LAMA2: variants seen among roughly 807,000 people sequenced by gnomAD.
The protein encoded by LAMA2 is laminin subunit alpha 2.
Under a neutral mutation model 364.8 loss-of-function variants are expected in LAMA2, and 269 were observed. The observed-to-expected ratio is 0.74, with a 90% confidence interval of 0.67 to 0.82. The LOEUF (loss-of-function observed/expected upper bound fraction) is 0.82. Among genes scored for constraint, LAMA2 ranks in the 40% least tolerant of loss-of-function variants. The probability of loss-of-function intolerance (pLI) is 0.00; values close to 1 mark genes in which losing one functional copy is unlikely to be tolerated. For missense variants in LAMA2, 3,807 were observed against 3,873.2 expected (o/e 0.98, Z 0.45); for synonymous variants, 1,379 against 1,370.6 (o/e 1.01, Z -0.14).
At chr6:128,988,635 T>A (rs908392445) in intron 1 of LAMA2, among the ~76,000 whole-genome samples, 22 of 152,192 alleles carry the variant, frequency 1.4e-4, no homozygotes, top group African/African-American at 5.3e-4. Context: ...TCTTAGCTTT[T>A]TTAACTTTCA....
At chr6:129,090,823 C>A (rs1341103295) in intron 3 of LAMA2, among the ~76,000 whole-genome samples, 1 of 152,142 alleles carries the variant, frequency 6.6e-6, no homozygotes, top group Non-Finnish European at 1.5e-5. Context: ...TGTTTCTGGT[C>A]ATTGATCAGC....
chr6:129,223,245 C>T (rs1032235462), intron 12 of LAMA2, among the ~76,000 whole-genome samples: 3 of 152,078 alleles, frequency 2.0e-5, no homozygotes, highest in African/African-American at 4.8e-5. Flanking sequence ...GATATTAGCC[C>T]TTTGTCAGAT....
intron 3 of LAMA2, among the ~76,000 whole-genome samples, chr6:129,060,129 A>T (rs957359084): frequency 6.6e-6 from 1 of 152,236 alleles, no homozygotes; most frequent in Non-Finnish European, 1.5e-5. Flanking sequence ...TTAGAAATGA[A>T]TTAGGTGCTA....
intron 12 of LAMA2, 91 bp downstream of exon 12, chr6:129,192,944 A>G: frequency 7.9e-7 from 1 of 1,266,434 alleles, no homozygotes; most frequent in South Asian, 1.3e-5. Context: ...GAAAGACAAA[A>G]TCAAATACAC....
At chr6:129,096,165 A>G (rs1775176167) in intron 3 of LAMA2, among the ~76,000 whole-genome samples, 2 of 152,240 alleles carry the variant, frequency 1.3e-5, no homozygotes, top group African/African-American at 2.4e-5. Context: ...TGAGTTGTTC[A>G]ATATGAACTG....
chr6:129,026,245 A>G (rs898361348), intron 1 of LAMA2, among the ~76,000 whole-genome samples: 1 of 152,194 alleles, frequency 6.6e-6, no homozygotes, highest in Non-Finnish European at 1.5e-5. Flanking sequence ...GATATAAAAA[A>G]TATTTATGGT....
intron 1 of LAMA2, among the ~76,000 whole-genome samples, chr6:128,992,301 T>A (rs1783658648): frequency 6.6e-6 from 1 of 152,200 alleles, no homozygotes; most frequent in Non-Finnish European, 1.5e-5. Flanking sequence ...ATAAAAACCT[T>A]ATTTCATAGC....
chr6:129,232,067 T>C (rs930361498), intron 12 of LAMA2, among the ~76,000 whole-genome samples: 1 of 152,142 alleles, frequency 6.6e-6, no homozygotes, highest in Non-Finnish European at 1.5e-5. Flanking sequence ...AGTTCTTTCC[T>C]TTCAGCACAA....
At chr6:128,991,503 A>T (rs1783611514) in intron 1 of LAMA2, among the ~76,000 whole-genome samples, 1 of 152,198 alleles carries the variant, frequency 6.6e-6, no homozygotes, top group South Asian at 2.1e-4. Context: ...ATTGCATAAA[A>T]ACTTGTTTTA....
chr6:129,096,910 A>G (rs1023773007), intron 3 of LAMA2, among the ~76,000 whole-genome samples: 34 of 152,212 alleles, frequency 2.2e-4, no homozygotes, highest in African/African-American at 8.2e-4. Context: ...CCAAATTTTT[A>G]TATTTTTAAA....
At position 129,007,926 on chromosome 6, in the gene LAMA2, A is replaced by T. The variant is rs972578653; in HGVS notation, c.113-41992A>T. On this transcript the variant is annotated intron_variant, in intron 1 of 64. Coordinates refer to ENST00000421865, the MANE Select transcript of LAMA2 (RefSeq NM_000426.4). ...GGCGTTTCATGCAACCTGCTATGGT[A>T]TGTGGGCTTTATTGGCTTCCCAGCA... 1.1e-4 allele frequency among the ~76,000 whole-genome samples: 17 copies of T among 152,144 alleles called. 1 individual carries two copies. Among genetic ancestry groups the T allele is most frequent in the Non-Finnish European group, 4.4e-5 (3 of 68,016 alleles).
intron 29 of LAMA2, among the ~76,000 whole-genome samples, chr6:129,340,704 G>A (rs1028394300): frequency 1.3e-5 from 2 of 151,778 alleles, no homozygotes; most frequent in Non-Finnish European, 2.9e-5. Context: ...TGGCGTGGTG[G>A]TATGTGCCTG....
At chr6:129,410,123 A>G (rs6930685) in intron 40 of LAMA2, among the ~76,000 whole-genome samples, 76,037 of 151,748 alleles carry the variant, frequency 0.5, 19,525 homozygotes, top group African/African-American at 0.62. Context: ...AACAAATAAA[A>G]TAAGACTAAT....
chr6:129,103,958 A>T (rs1775673201), intron 4 of LAMA2, among the ~76,000 whole-genome samples: 1 of 152,066 alleles, frequency 6.6e-6, no homozygotes. Context: ...TATTCCTTAA[A>T]TATGTCAGAA....
chr6:128,890,796 A>G (rs1776409680), intron 1 of LAMA2, among the ~76,000 whole-genome samples: 1 of 152,092 alleles, frequency 6.6e-6, no homozygotes, highest in South Asian at 2.1e-4. Context: ...TGTATAATGA[A>G]CCCTTTAAGA....
Position 129,486,568 on chromosome 6 carries a change from C to T in LAMA2, c.7844C>T (p.Pro2615Leu), listed in dbSNP as rs771552354. 2.0e-5 allele frequency: 32 copies of T among 1,613,928 alleles called. No homozygotes were observed. The highest frequency in any genetic ancestry group is 9.9e-5 in the South Asian group (9 of 91,088). ...AGGAAAATTGTGATCAGACCAGAGC[C>T]GAATCTGTTTCATGATGGAAGAGAA... ...TMRKIVIRPE[P>L]NLFHDGREHS... Residue 2615 changes from proline to leucine, a missense_variant, in exon 56 of 65, where the codon CCG (proline) becomes CTG (leucine). Transcript: ENST00000421865.
chr6:128,919,098 C>G (rs1778531375), intron 1 of LAMA2, among the ~76,000 whole-genome samples: 4 of 152,174 alleles, frequency 2.6e-5, no homozygotes, highest in Admixed American at 1.3e-4. Context: ...CATCACTTTT[C>G]ACTGTGTTCT....
chr6:128,940,293 A>G (rs562817121), intron 1 of LAMA2, among the ~76,000 whole-genome samples: 2 of 152,126 alleles, frequency 1.3e-5, no homozygotes, highest in East Asian at 3.9e-4. Context: ...CCACCCAACA[A>G]CTAGATCACA....
At chr6:129,142,821 C>T (rs942705416) in intron 4 of LAMA2, among the ~76,000 whole-genome samples, 2 of 151,902 alleles carry the variant, frequency 1.3e-5, no homozygotes. Flanking sequence ...GGAAGTTTAT[C>T]AGTGTGTTTT....
Sources: gnomAD v4.1 joint callset for allele counts (sites outside exome capture counted in the v4.1 genomes callset) on GRCh38, gnomAD v4.1.1 for gene constraint, MANE v1.5 for transcripts, NCBI Gene and HGNC (gene_info 2026-07-23, HGNC 2026-07-21) for gene names.